The following DOCK2 variants were observed in gnomAD, a reference collection of about 807,000 sequenced individuals.
DOCK2 encodes the protein dedicator of cytokinesis protein 2.
Under a neutral mutation model 248.9 loss-of-function variants are expected in DOCK2, and 87 were observed. That is an observed-to-expected ratio of 0.35 (90% CI 0.29 to 0.42). DOCK2 has a LOEUF of 0.42. Ranked by LOEUF, DOCK2 falls within the 10% of genes least tolerant of loss-of-function variation. The pLI is 1.00. For missense variants in DOCK2, 1,747 were observed against 2,300.2 expected, an observed-to-expected ratio of 0.76 and a Z score of 4.92; for synonymous variants, 805 against 821.6, an observed-to-expected ratio of 0.98 and a Z score of 0.35.
At chr5:170,040,838 G>A in intron 36 of DOCK2, 1 of 486,694 alleles carries the variant, frequency 2.1e-6, no homozygotes, top group South Asian at 3.5e-5. Context: ...AGTAATCTAA[G>A]AAATTTAAAA....
intron 2 of DOCK2, among the ~76,000 whole-genome samples, chr5:169,656,073 C>T (rs887886178): frequency 2.0e-5 from 3 of 152,168 alleles, no homozygotes; most frequent in Non-Finnish European, 2.9e-5. Flanking sequence ...TGTGATTCCA[C>T]GCACGCTGCC....
At chr5:169,756,798 G>A (rs986400388) in intron 23 of DOCK2, among the ~76,000 whole-genome samples, 31 of 152,008 alleles carry the variant, frequency 2.0e-4, no homozygotes, top group African/African-American at 7.5e-4. Flanking sequence ...GGTGGCACAC[G>A]CCTGTAATCC....
intron 26 of DOCK2, among the ~76,000 whole-genome samples, chr5:169,829,345 GC>G (rs1457803962): frequency 6.6e-6 from 1 of 152,210 alleles, no homozygotes; most frequent in East Asian, 1.9e-4. Flanking sequence ...TAAACAGGTT[GC>G]CTATTTAGAG....
At chr5:169,937,753 G>A (rs917433415) in intron 27 of DOCK2, among the ~76,000 whole-genome samples, 6 of 152,324 alleles carry the variant, frequency 3.9e-5, no homozygotes, top group African/African-American at 1.4e-4. Context: ...TGGCTGGCAA[G>A]CTGCTCAAGG....
At chr5:169,706,647 C>T (rs560343915) in intron 14 of DOCK2, among the ~76,000 whole-genome samples, 4 of 152,244 alleles carry the variant, frequency 2.6e-5, no homozygotes, top group Non-Finnish European at 5.9e-5. Flanking sequence ...AGGCTTCATC[C>T]CATGGAAAAA....
At chr5:169,787,798 C>T (rs1168274369) in intron 25 of DOCK2, among the ~76,000 whole-genome samples, 2 of 147,460 alleles carry the variant, frequency 1.4e-5, no homozygotes, top group Admixed American at 6.9e-5. Context: ...TCCTCTTTTA[C>T]CTCTTCTTTT....
rs748268320 is a variant in DOCK2, at chr5:169,716,195, C to T, written c.1942-18C>T. On this transcript the variant is annotated intron_variant, in intron 19 of 51. Coordinates refer to ENST00000520908, the MANE Select transcript of DOCK2 (RefSeq NM_004946.3). ...TGTCTTGTTTCTGAAGTAGTGCAAC[C>T]TTTGTTATTTCTTCCAGTTTCTCCA... 1.2e-6 allele frequency: 2 copies of T among 1,611,802 alleles called. No homozygotes were observed. The highest frequency in any genetic ancestry group is 1.1e-5 in the South Asian group (1 of 90,998).
At chr5:170,053,682 C>T (rs1010401) in intron 41 of DOCK2, among the ~76,000 whole-genome samples, 78,177 of 152,070 alleles carry the variant, frequency 0.51, 22,112 homozygotes, top group African/African-American at 0.76. Flanking sequence ...AATACCTTCA[C>T]TGAGATTTAT....
intron 1 of DOCK2, among the ~76,000 whole-genome samples, chr5:169,643,772 A>G (rs921928097): frequency 5.9e-5 from 9 of 152,206 alleles, no homozygotes; most frequent in South Asian, 2.1e-4. Context: ...GGTTGGAGAC[A>G]TAGGTGGACA....
chr5:169,709,066 C>T (rs1407711501), intron 15 of DOCK2, among the ~76,000 whole-genome samples: 2 of 152,224 alleles, frequency 1.3e-5, no homozygotes, highest in Non-Finnish European at 2.9e-5. Flanking sequence ...ACTTAATACA[C>T]ATAATACTGT....
intron 41 of DOCK2, among the ~76,000 whole-genome samples, chr5:170,052,599 A>C (rs1441386422): frequency 2.6e-5 from 4 of 152,206 alleles, no homozygotes; most frequent in African/African-American, 9.7e-5. Flanking sequence ...GCAGAGATGT[A>C]AAGTGGTTTG....
chr5:169,718,554 C>G, intron 21 of DOCK2, 103 bp from the exon 22 acceptor site: 1 of 1,307,738 alleles, frequency 7.6e-7, no homozygotes, highest in East Asian at 2.5e-5. Flanking sequence ...GAGCTTGGCT[C>G]TACTACCACC....
intron 22 of DOCK2, among the ~76,000 whole-genome samples, chr5:169,737,637 A>G (rs1471497648): frequency 1.3e-5 from 2 of 152,126 alleles, no homozygotes; most frequent in Non-Finnish European, 2.9e-5. Context: ...GAGAGGGTTG[A>G]AGTTAACTTG....
At position 169,800,887 on chromosome 5, in the gene DOCK2, C is replaced by T. The variant is rs1042160688; in HGVS notation, c.2555-2171C>T. On this transcript the variant is annotated intron_variant, in intron 25 of 51. Transcript: ENST00000520908. ...CCTTGGGGCACTTCTGGGATGAAAGCGGAGCCTGAGAGACTACATATTTCT... is the reference window on the plus strand; with the variant it reads ...CCTTGGGGCACTTCTGGGATGAAAGTGGAGCCTGAGAGACTACATATTTCT... Among the ~76,000 whole-genome samples the T allele has an allele frequency of 3.3e-4, 49 of 150,754 alleles. 1 individual carries two copies. Among genetic ancestry groups the T allele is most frequent in the Admixed American group, 2.8e-3 (42 of 15,112 alleles).
chr5:169,894,715 C>T (rs1290255277), intron 27 of DOCK2, among the ~76,000 whole-genome samples: 1 of 152,212 alleles, frequency 6.6e-6, no homozygotes, highest in Non-Finnish European at 1.5e-5. Flanking sequence ...ATGTGCAACA[C>T]ACAGTAGGTG....
At chr5:169,964,267 T>A (rs923223816) in intron 27 of DOCK2, among the ~76,000 whole-genome samples, 2 of 152,124 alleles carry the variant, frequency 1.3e-5, no homozygotes, top group Non-Finnish European at 2.9e-5. Flanking sequence ...GACTTCTGGA[T>A]TGGGACTCCC....
chr5:169,925,745 TA>T (rs1220808901), intron 27 of DOCK2, among the ~76,000 whole-genome samples: 2 of 151,682 alleles, frequency 1.3e-5, no homozygotes. Context: ...TTGGGAGCAT[TA>T]AAAGAGATCA....
At chr5:169,997,594 A>C (rs571332660) in intron 30 of DOCK2, among the ~76,000 whole-genome samples, 1 of 144,334 alleles carries the variant, frequency 6.9e-6, no homozygotes, top group Non-Finnish European at 1.5e-5. Flanking sequence ...AGTGGTGATG[A>C]CTCTTAAGGA....
chr5:169,766,062 CT>C (rs1286329599), intron 25 of DOCK2, among the ~76,000 whole-genome samples: 2 of 152,130 alleles, frequency 1.3e-5, no homozygotes, highest in African/African-American at 2.4e-5. Flanking sequence ...CAGTTACTAC[CT>C]TTTTTTTCTT....
Sources: gnomAD v4.1 joint callset for allele counts (sites outside exome capture counted in the v4.1 genomes callset) on GRCh38, gnomAD v4.1.1 for gene constraint, MANE v1.5 for transcripts, NCBI Gene and HGNC (gene_info 2026-07-23, HGNC 2026-07-21) for gene names.